Variants in FLNB observed in about 807,000 individuals in gnomAD.
FLNB encodes filamin-B.
FLNB carries 111 observed loss-of-function variants against 250.6 expected under a neutral mutation model. The ratio of observed to expected loss-of-function variants is 0.44; its 90% CI spans 0.38 to 0.52. The LOEUF is 0.52. Ranked by LOEUF, FLNB falls within the 20% of genes least tolerant of loss-of-function variation. The pLI is 0.00. For missense variants in FLNB, 2,869 were observed against 3,447.8 expected, an observed-to-expected ratio of 0.83 and a Z score of 4.20; for synonymous variants, 1,302 against 1,372.1, an observed-to-expected ratio of 0.95 and a Z score of 1.13.
chr3:58,110,608 C>A (rs2097266926), intron 16 of FLNB, among the ~76,000 whole-genome samples: 1 of 152,090 alleles, frequency 6.6e-6, no homozygotes, highest in African/African-American at 2.4e-5. Flanking sequence ...CCACGCCTGG[C>A]TAATTTTTTT....
At chr3:58,109,985 G>C in intron 15 of FLNB, 25 bp from the exon 16 acceptor site, 1 of 1,613,862 alleles carries the variant, frequency 6.2e-7, no homozygotes, top group Non-Finnish European at 8.5e-7. Flanking sequence ...TTGTAAGCTG[G>C]TGCTAATAAG....
intron 40 of FLNB, among the ~76,000 whole-genome samples, chr3:58,155,294 C>T (rs1231188992): frequency 6.6e-6 from 1 of 152,232 alleles, no homozygotes; most frequent in Non-Finnish European, 1.5e-5. Flanking sequence ...TTTTGTGTGC[C>T]ATTGACTCTT....
rs937162019 is a variant in FLNB at position 58,146,650 on chromosome 3, T to C, written c.5555-170T>C. On this transcript the variant is annotated intron_variant, in intron 33 of 45. Coordinates refer to ENST00000295956, the MANE Select transcript of FLNB (RefSeq NM_001457.4). ...GTTTCTTCTCAGTGGGTGTTTTTAC[T>C]GCGTGGACTGCTTCATTCTGACAGA... 11 of 680,098 alleles carry C rather than the reference T, an allele frequency of 1.6e-5. No homozygotes were observed. The African/African-American group carries it at 2.0e-4, about 12-fold the overall frequency. 42.1% of individuals were successfully genotyped at this position (680,098 alleles called of 1,614,324 possible).
At chr3:58,093,959 TAAG>T (rs946050495) in intron 4 of FLNB, among the ~76,000 whole-genome samples, 1 of 152,126 alleles carries the variant, frequency 6.6e-6, no homozygotes, top group Non-Finnish European at 1.5e-5. Context: ...TTATCAGGGC[TAAG>T]GAGAGTGTGG....
At chr3:58,121,219 T>C (rs1321778859) in intron 19 of FLNB, 22 bp from the exon 20 acceptor site, 1 of 1,614,086 alleles carries the variant, frequency 6.2e-7, no homozygotes, top group African/African-American at 1.3e-5. Context: ...GCTCTTCACC[T>C]CAGCTTGTGT....
intron 16 of FLNB, among the ~76,000 whole-genome samples, chr3:58,110,950 A>T (rs1223015285): frequency 2.6e-5 from 4 of 152,196 alleles, no homozygotes; most frequent in Non-Finnish European, 5.9e-5. Flanking sequence ...CTTACAACCA[A>T]GAAGGAAAAA....
At chr3:58,121,204 G>A (rs1440424716) in intron 19 of FLNB, 37 bp from the exon 20 acceptor site, 2 of 1,613,976 alleles carry the variant, frequency 1.2e-6, no homozygotes, top group Admixed American at 3.3e-5. Flanking sequence ...TGCTGAAAAG[G>A]GTCAGCTCTT....
chr3:58,104,164 C>A, intron 10 of FLNB, 79 bp downstream of exon 10: 2 of 1,461,236 alleles, frequency 1.4e-6, no homozygotes, highest in Non-Finnish European at 1.9e-6. Flanking sequence ...GCTTCCCGGG[C>A]TGCAGGAGGG....
At chr3:58,068,621 G>T (rs1028450479) in intron 1 of FLNB, among the ~76,000 whole-genome samples, 1 of 152,132 alleles carries the variant, frequency 6.6e-6, no homozygotes, top group Non-Finnish European at 1.5e-5. Context: ...GCCATGGTTT[G>T]TTTGGGCTCA....
intron 19 of FLNB, among the ~76,000 whole-genome samples, chr3:58,120,469 C>G (rs1041109767): frequency 6.6e-6 from 1 of 152,186 alleles, no homozygotes; most frequent in Non-Finnish European, 1.5e-5. Context: ...TGGCAGGGGC[C>G]CTGTGTTCCC....
At chr3:58,025,874 C>T (rs993008983) in intron 1 of FLNB, among the ~76,000 whole-genome samples, 7 of 152,218 alleles carry the variant, frequency 4.6e-5, no homozygotes, top group Middle Eastern at 3.4e-3. Flanking sequence ...TGCAGTGAGC[C>T]GAGATCATGC....
chr3:58,012,950 A>G (rs903293043), intron 1 of FLNB, among the ~76,000 whole-genome samples: 1 of 152,134 alleles, frequency 6.6e-6, no homozygotes, highest in African/African-American at 2.4e-5. Context: ...CTGAAAGACA[A>G]CCCTGGCTAT....
intron 1 of FLNB, among the ~76,000 whole-genome samples, chr3:58,029,806 T>C (rs1187679281): frequency 6.6e-6 from 1 of 152,046 alleles, no homozygotes; most frequent in Non-Finnish European, 1.5e-5. Flanking sequence ...AGCCACTGCG[T>C]CCAGCCAAGA....
intron 3 of FLNB, among the ~76,000 whole-genome samples, chr3:58,080,550 A>G (rs961604596): frequency 6.8e-6 from 1 of 147,526 alleles, no homozygotes; most frequent in Admixed American, 6.8e-5. Flanking sequence ...GCTGGAGTGC[A>G]GTGGCACGAT....
At chr3:58,170,084 T>C (rs964826496) in intron 45 of FLNB, among the ~76,000 whole-genome samples, 1 of 152,230 alleles carries the variant, frequency 6.6e-6, no homozygotes, top group Non-Finnish European at 1.5e-5. Context: ...CTTCATTCAT[T>C]CATTCGTTTG....
chr3:58,132,273 C>A, intron 25 of FLNB: 1 of 496,818 alleles, frequency 2.0e-6, no homozygotes, highest in Non-Finnish European at 3.6e-6. Flanking sequence ...TTGAGGGTCC[C>A]CTTGCCCCAT....
intron 1 of FLNB, among the ~76,000 whole-genome samples, chr3:58,074,632 C>G (rs1241895347): frequency 6.6e-6 from 1 of 152,128 alleles, no homozygotes; most frequent in Non-Finnish European, 1.5e-5. Flanking sequence ...GTATCTGTTT[C>G]CTATATTTAG....
chr3:58,123,108 C>T lies in FLNB; in HGVS notation c.3142C>T (p.Pro1048Ser), dbSNP rs769848930. The change falls in exon 21 of 46, where the codon CCC (proline) becomes TCC (serine). Residue 1048 changes from proline to serine, a missense_variant. Pro to Ser is a moderately conservative substitution (Grantham distance 74, BLOSUM62 -1). This residue lies in a region of FLNB where 1,348 missense variants were observed against 1,466.7 expected (regional missense o/e 0.92). Coordinates refer to ENST00000295956, the MANE Select transcript of FLNB (RefSeq NM_001457.4). ...GCTCAAATAGGTGAAGGCCCACGGT[C>T]CCGGCCTCGAAGGTGGTCTCGTGGG... is the stretch of plus-strand genomic sequence containing the variant. ...PDPSKVKAHGPGLEGGLVGKP... is the reference protein window; with the variant it reads ...PDPSKVKAHGSGLEGGLVGKP... The T allele has an allele frequency of 6.2e-7, 1 of 1,614,140 alleles. No homozygotes were observed. Among genetic ancestry groups the T allele is most frequent in the Non-Finnish European group, 8.5e-7 (1 of 1,180,016 alleles).
intron 22 of FLNB, among the ~76,000 whole-genome samples, chr3:58,124,960 C>A (rs1426118113): frequency 2.0e-5 from 3 of 152,028 alleles, no homozygotes; most frequent in African/African-American, 7.3e-5. Context: ...TTCTGTTTCA[C>A]GGGTTTCGCT....
Sources: allele counts gnomAD v4.1 joint callset (sites outside exome capture counted in the v4.1 genomes callset), GRCh38; gene constraint gnomAD v4.1.1; regional missense constraint gnomAD v4.1.1; transcripts MANE v1.5; gene names NCBI Gene and HGNC (gene_info 2026-07-23, HGNC 2026-07-21).